Variants in CALN1 observed in about 807,000 individuals in gnomAD.
CALN1 encodes calneuron 1.
CALN1 carries 17 observed loss-of-function variants against 30.6 expected under a neutral mutation model. The observed-to-expected ratio is 0.56, with a 90% CI of 0.38 to 0.83. CALN1 has a LOEUF of 0.83. Ranked by LOEUF, CALN1 falls within the 40% of genes least tolerant of loss-of-function variation. The pLI is 0.00. For missense variants in CALN1, 291 were observed against 354.9 expected (o/e 0.82, Z 1.45); for synonymous variants, 156 against 131.4 (o/e 1.19, Z -1.28).
At chr7:72,449,270 G>A (rs1414332296), upstream of CALN1, among the ~76,000 whole-genome samples, 3 of 152,176 alleles carry the variant, frequency 2.0e-5, no homozygotes, top group Admixed American at 6.5e-5. Flanking sequence ...AGATGCGGAC[G>A]GCGCACTGCA....
At chr7:72,298,718 G>A (rs1460365574) in intron 2 of CALN1, among the ~76,000 whole-genome samples, 1 of 151,742 alleles carries the variant, frequency 6.6e-6, no homozygotes, top group South Asian at 2.1e-4. Context: ...GGAGGGGCCT[G>A]GTGGGAGGTG....
chr7:72,305,684 T>C (rs1179113602), intron 2 of CALN1, among the ~76,000 whole-genome samples: 1 of 152,194 alleles, frequency 6.6e-6, no homozygotes, highest in Admixed American at 6.5e-5. Flanking sequence ...GAACAGCACT[T>C]TTAAGACTTT....
At chr7:71,977,687 T>G (rs1798166418) in intron 5 of CALN1, among the ~76,000 whole-genome samples, 1 of 151,970 alleles carries the variant, frequency 6.6e-6, no homozygotes, top group Non-Finnish European at 1.5e-5. Flanking sequence ...ATCCCAGCAC[T>G]TTGAGAGACT....
chr7:72,027,722 AACAAACACACACAC>A lies in CALN1; in HGVS notation c.389-3967_389-3954del, dbSNP rs1801157074. ...GTGAGACCCTGTCTCAAAACAAACA[AACAAACACACACAC>A]ACACACACACACACACACACACAAA... is the stretch of plus-strand genomic sequence containing the variant. On this transcript the variant is annotated intron_variant, in intron 4 of 6. Transcript: ENST00000395275. 3.2e-5 allele frequency among the ~76,000 whole-genome samples: 3 copies of A among 93,664 alleles called. No homozygotes were observed. In the South Asian group the frequency reaches 1.0e-3, roughly 31 times the overall value. The allele number at this position is 93,664 out of a possible 152,430, so 61.4% of individuals were successfully genotyped here.
chr7:71,874,100 T>G (rs1364506806), intron 5 of CALN1, among the ~76,000 whole-genome samples: 1 of 151,766 alleles, frequency 6.6e-6, no homozygotes, highest in Middle Eastern at 3.4e-3. Flanking sequence ...CATGGTGACA[T>G]CCCATCTCTA....
the CALN1 span, among the ~76,000 whole-genome samples, chr7:72,481,371 G>A: frequency 1.3e-5 from 2 of 152,220 alleles, no homozygotes; most frequent in Admixed American, 1.3e-4. Context: ...TTATAAGCAT[G>A]AGCCACCACG....
At chr7:71,805,785 C>T (rs1354924080) in intron 6 of CALN1, among the ~76,000 whole-genome samples, 2 of 152,042 alleles carry the variant, frequency 1.3e-5, no homozygotes, top group East Asian at 3.9e-4. Flanking sequence ...ATATACCTAG[C>T]AATGTGATTT....
chr7:72,266,948 A>C (rs1470033996), intron 3 of CALN1, among the ~76,000 whole-genome samples: 1 of 152,188 alleles, frequency 6.6e-6, no homozygotes, highest in Non-Finnish European at 1.5e-5. Flanking sequence ...TAAAAGACGT[A>C]TGTTGTAAAG....
At chr7:72,118,390 T>C (rs188388225) in intron 3 of CALN1, among the ~76,000 whole-genome samples, 1 of 152,346 alleles carries the variant, frequency 6.6e-6, no homozygotes, top group African/African-American at 2.4e-5. Flanking sequence ...GGTGAAATTC[T>C]ACTACTCAGG....
At chr7:71,914,689 C>T (rs963915488) in intron 5 of CALN1, among the ~76,000 whole-genome samples, 5 of 152,042 alleles carry the variant, frequency 3.3e-5, no homozygotes, top group African/African-American at 1.2e-4. Context: ...CCTTTTACTA[C>T]ACAAACTTGC....
chr7:72,194,030 C>T (rs1235809012), intron 3 of CALN1, among the ~76,000 whole-genome samples: 1 of 152,080 alleles, frequency 6.6e-6, no homozygotes, highest in Non-Finnish European at 1.5e-5. Context: ...ATGGGTGCAC[C>T]AAAATCTCAG....
chr7:72,415,615 A>C (rs1325227875), upstream of CALN1, among the ~76,000 whole-genome samples: 1 of 152,244 alleles, frequency 6.6e-6, no homozygotes, highest in Non-Finnish European at 1.5e-5. Flanking sequence ...TAACAAACAC[A>C]CAAGTAAACA....
intron 5 of CALN1, among the ~76,000 whole-genome samples, chr7:72,004,469 G>A (rs1025182387): frequency 6.6e-6 from 1 of 152,132 alleles, no homozygotes; most frequent in African/African-American, 2.4e-5. Context: ...TCAGTATCTA[G>A]GGCTAGGCAG....
At chr7:72,407,229 C>T (rs1806760985) in intron 1 of CALN1, among the ~76,000 whole-genome samples, 1 of 152,220 alleles carries the variant, frequency 6.6e-6, no homozygotes, top group South Asian at 2.1e-4. Flanking sequence ...CTTAACCTCT[C>T]TGGGCTTCAC....
intron 2 of CALN1, among the ~76,000 whole-genome samples, chr7:72,286,706 T>C (rs1798100485): frequency 6.6e-6 from 1 of 152,216 alleles, no homozygotes; most frequent in African/African-American, 2.4e-5. Context: ...GGCAAACACT[T>C]GGTTTGGACA....
At chr7:72,013,182 C>T (rs1034006543) in intron 5 of CALN1, among the ~76,000 whole-genome samples, 2 of 151,506 alleles carry the variant, frequency 1.3e-5, no homozygotes, top group African/African-American at 4.9e-5. Flanking sequence ...ATTCCAATCA[C>T]TTCTCCCCTT....
chr7:71,984,647 C>A (rs987804300), intron 5 of CALN1, among the ~76,000 whole-genome samples: 2 of 152,134 alleles, frequency 1.3e-5, no homozygotes, highest in Admixed American at 6.5e-5. Context: ...ACAGGAGACC[C>A]ATGGCAGGGG....
chr7:71,937,405 TAC>T (rs760289856), intron 5 of CALN1, among the ~76,000 whole-genome samples: 2 of 146,234 alleles, frequency 1.4e-5, no homozygotes, highest in East Asian at 2.3e-4. Context: ...TATTTACATA[TAC>T]AGACACATAT....
chr7:72,301,531 C>T (rs1799259499), intron 2 of CALN1, among the ~76,000 whole-genome samples: 1 of 148,738 alleles, frequency 6.7e-6, no homozygotes, highest in Admixed American at 6.9e-5. Context: ...TCGCTGTAAC[C>T]CAGGAGGCAG....
Sources: gnomAD v4.1 joint callset for allele counts (sites outside exome capture counted in the v4.1 genomes callset) on GRCh38, gnomAD v4.1.1 for gene constraint, MANE v1.5 for transcripts, NCBI Gene and HGNC (gene_info 2026-07-23, HGNC 2026-07-21) for gene names.